The following CNOT10 variants were observed in gnomAD, a reference collection of about 807,000 sequenced individuals.
The protein encoded by CNOT10 is CCR4-NOT transcription complex subunit 10, also known as CCR4-NOT transcription complex, subunit 10.
CNOT10 carries 30 observed loss-of-function variants against 94.6 expected under a neutral mutation model. The observed-to-expected ratio is 0.32, with a 90% confidence interval of 0.24 to 0.43. CNOT10 has a LOEUF of 0.43. CNOT10 is among the 20% of genes least tolerant of loss of function. CNOT10 has a pLI of 1.00. For missense variants in CNOT10, 759 were observed against 877.2 expected, an observed-to-expected ratio of 0.87 and a Z score of 1.70; for synonymous variants, 289 against 301.6, an observed-to-expected ratio of 0.96 and a Z score of 0.43.
At chr3:32,722,865 T>C (rs1250689975) in intron 8 of CNOT10, among the ~76,000 whole-genome samples, 1 of 152,110 alleles carries the variant, frequency 6.6e-6, no homozygotes, top group East Asian at 1.9e-4. Context: ...GCGCCTGTAT[T>C]CCCAGCTACT....
intron 13 of CNOT10, among the ~76,000 whole-genome samples, chr3:32,755,911 G>C (rs1280539722): frequency 6.6e-6 from 1 of 152,048 alleles, no homozygotes; most frequent in Non-Finnish European, 1.5e-5. Flanking sequence ...TTGAGGTATA[G>C]TTCTTCCAGT....
intron 12 of CNOT10, among the ~76,000 whole-genome samples, chr3:32,737,141 C>T (rs1699224329): frequency 6.6e-6 from 1 of 152,024 alleles, no homozygotes; most frequent in African/African-American, 2.4e-5. Flanking sequence ...TGGTGAAACC[C>T]CGTTTCTACT....
chr3:32,772,117 G>C (rs1306653112), intron 18 of CNOT10, among the ~76,000 whole-genome samples: 2 of 152,168 alleles, frequency 1.3e-5, no homozygotes, highest in Non-Finnish European at 2.9e-5. Context: ...TTGGGAGGCC[G>C]AGGCGGGCAG....
intron 18 of CNOT10, among the ~76,000 whole-genome samples, chr3:32,772,225 T>TA (rs1412073806): frequency 6.6e-6 from 1 of 152,000 alleles, no homozygotes; most frequent in Non-Finnish European, 1.5e-5. Flanking sequence ...TGGCATACAG[T>TA]TGTAGTTCCA....
chr3:32,771,689 T>A (rs1295662570), intron 18 of CNOT10, among the ~76,000 whole-genome samples: 1 of 152,174 alleles, frequency 6.6e-6, no homozygotes, highest in African/African-American at 2.4e-5. Context: ...GAGTTTTTGG[T>A]ATCCTACAAA....
intron 13 of CNOT10, among the ~76,000 whole-genome samples, chr3:32,749,306 T>G (rs1699853232): frequency 6.6e-6 from 1 of 152,170 alleles, no homozygotes; most frequent in Non-Finnish European, 1.5e-5. Flanking sequence ...TTTCTAAGAC[T>G]TCTTCACTAA....
intron 8 of CNOT10, among the ~76,000 whole-genome samples, chr3:32,723,635 T>G (rs1288325013): frequency 6.6e-6 from 1 of 152,124 alleles, no homozygotes; most frequent in Non-Finnish European, 1.5e-5. Context: ...ATTTTATGAT[T>G]CAAAATGTAA....
chr3:32,730,935 T>C (rs1320477075), intron 10 of CNOT10: 2 of 152,244 alleles, frequency 1.3e-5, no homozygotes. Flanking sequence ...CTATCGGTGC[T>C]TGAAGGTATG....
chr3:32,724,472 G>A (rs1698573665), intron 8 of CNOT10, among the ~76,000 whole-genome samples: 1 of 149,786 alleles, frequency 6.7e-6, no homozygotes, highest in South Asian at 2.1e-4. Flanking sequence ...GAGTGCAGTG[G>A]TGCGATCTCG....
chr3:32,773,105 G>A (rs1359045876), intron 18 of CNOT10, among the ~76,000 whole-genome samples: 1 of 152,124 alleles, frequency 6.6e-6, no homozygotes, highest in African/African-American at 2.4e-5. Context: ...GAGCTCAGGC[G>A]ATCTGCCCAC....
intron 13 of CNOT10, chr3:32,753,916 T>TGTCA: frequency 9.1e-7 from 1 of 1,096,310 alleles, no homozygotes; most frequent in African/African-American, 1.6e-5. Context: ...ATTAATTTGC[T>TGTCA]CTCACACACA....
chr3:32,714,903 A>G (rs1293817940), intron 5 of CNOT10, among the ~76,000 whole-genome samples: 3 of 152,118 alleles, frequency 2.0e-5, no homozygotes, highest in Non-Finnish European at 2.9e-5. Flanking sequence ...AACGTTGCCA[A>G]TACCTTTTTG....
chr3:32,717,271 G>A (rs11129531), intron 7 of CNOT10, 34 bp downstream of exon 7: 677,358 of 1,186,444 alleles, frequency 0.57, 179,534 homozygotes, highest in Non-Finnish European at 0.61. Context: ...TTTTCAATTT[G>A]TGTCTTTCTT....
In CNOT10 at chr3:32,769,968, T is replaced by TA; in HGVS notation, c.2080+8dup. The TA allele has an allele frequency of 6.2e-7, 1 of 1,606,654 alleles. No individual in the cohort carries two copies. Among genetic ancestry groups the TA allele is most frequent in the African/African-American group, 1.3e-5 (1 of 74,878 alleles). ...CTACCTTGAACTGCAGAATGGTGAG[T>TA]AATTCTCTCTGTTTAGGACTTTATC... On this transcript the variant is annotated splice_region_variant and intron_variant, in intron 18 of 18. Transcript: ENST00000328834.
intron 13 of CNOT10, among the ~76,000 whole-genome samples, chr3:32,754,659 A>C (rs1222916789): frequency 6.9e-6 from 1 of 144,274 alleles, no homozygotes; most frequent in Non-Finnish European, 1.5e-5. Flanking sequence ...AGCTGGGACT[A>C]CAGGGGCATG....
In CNOT10 at chr3:32,754,968, C is replaced by T. The variant is rs191135312; in HGVS notation, c.1596-4490C>T. On this transcript the variant is annotated intron_variant, in intron 13 of 18. Coordinates refer to ENST00000328834, the MANE Select transcript of CNOT10 (RefSeq NM_015442.3). ...GTTTGTTGAAAGAAATTACATTAACCGGGCATGGTGGCTCACGACTGTAAT... is the reference window on the plus strand; with the variant it reads ...GTTTGTTGAAAGAAATTACATTAACTGGGCATGGTGGCTCACGACTGTAAT... Among the ~76,000 whole-genome samples, 21 of 151,346 alleles carry T rather than the reference C, an allele frequency of 1.4e-4. No individual in the cohort carries two copies. In the East Asian group the frequency reaches 3.0e-3, roughly 21 times the overall value.
chr3:32,686,534 A>G (rs1696607854), intron 1 of CNOT10, among the ~76,000 whole-genome samples: 1 of 152,200 alleles, frequency 6.6e-6, no homozygotes, highest in African/African-American at 2.4e-5. Flanking sequence ...TTGAGAGGGT[A>G]TAAGGAATGT....
At chr3:32,701,448 G>A (rs904816176) in intron 1 of CNOT10, among the ~76,000 whole-genome samples, 9 of 152,034 alleles carry the variant, frequency 5.9e-5, no homozygotes, top group African/African-American at 1.9e-4. Context: ...TAATGATATC[G>A]TGTAGCTCTG....
At chr3:32,708,954 A>G in intron 4 of CNOT10, 134 bp downstream of exon 4, 2 of 627,318 alleles carry the variant, frequency 3.2e-6, no homozygotes, top group Non-Finnish European at 5.1e-6. Flanking sequence ...AGCTTTGCTT[A>G]ATGGTTAGAA....
Sources: gnomAD v4.1 joint callset for allele counts (sites outside exome capture counted in the v4.1 genomes callset) on GRCh38, gnomAD v4.1.1 for gene constraint, MANE v1.5 for transcripts, NCBI Gene and HGNC (gene_info 2026-07-23, HGNC 2026-07-21) for gene names.